The following OXR1 variants were observed in gnomAD, a reference collection of about 807,000 sequenced individuals.
The protein encoded by OXR1 is oxidation resistance protein 1.
In OXR1, 41 loss-of-function variants were observed where a neutral mutation model predicts 104.6. That is an observed-to-expected ratio of 0.39 (90% CI 0.31 to 0.51). OXR1 has a LOEUF of 0.51. OXR1 is among the 20% of genes least tolerant of loss of function. OXR1 has a pLI of 0.77. For missense variants in OXR1, 955 were observed against 1,031.9 expected (o/e 0.93, Z 1.02); for synonymous variants, 348 against 348.4 (o/e 1.00, Z 0.01).
chr8:106,697,704 A>T (rs963496611), intron 7 of OXR1: 10 of 1,613,932 alleles, frequency 6.2e-6, no homozygotes, highest in Admixed American at 3.3e-5. Flanking sequence ...TGTTAATGCC[A>T]TAGCGCTCAG....
intron 1 of OXR1, among the ~76,000 whole-genome samples, chr8:106,275,788 A>AAC (rs374957851): frequency 0.038 from 5,680 of 151,322 alleles, 225 homozygotes; most frequent in African/African-American, 0.1. Context: ...AGCAACAACA[A>AAC]ACACACACAC....
At chr8:106,685,432 C>A (rs761446717) in intron 6 of OXR1, among the ~76,000 whole-genome samples, 47 of 152,130 alleles carry the variant, frequency 3.1e-4, no homozygotes, top group Non-Finnish European at 6.5e-4. Context: ...TAACCTAAAT[C>A]TGCCTGTCTA....
intron 1 of OXR1, among the ~76,000 whole-genome samples, chr8:106,345,724 A>G (rs1451416004): frequency 6.6e-6 from 1 of 152,244 alleles, no homozygotes; most frequent in Non-Finnish European, 1.5e-5. Context: ...GATCATGCAC[A>G]TGGCTCTCTC....
intron 2 of OXR1, among the ~76,000 whole-genome samples, chr8:106,511,628 G>A (rs1255188139): frequency 1.3e-5 from 2 of 152,148 alleles, no homozygotes; most frequent in Non-Finnish European, 1.5e-5. Flanking sequence ...GCTACTACTA[G>A]TATATAGATT....
chr8:106,573,554 A>G (rs1397968321), intron 3 of OXR1, among the ~76,000 whole-genome samples: 5 of 152,240 alleles, frequency 3.3e-5, no homozygotes, highest in African/African-American at 1.2e-4. Context: ...TTAATGAAAG[A>G]CATGATTTGA....
At chr8:106,293,443 G>T (rs1435032573) in intron 1 of OXR1, among the ~76,000 whole-genome samples, 1 of 152,144 alleles carries the variant, frequency 6.6e-6, no homozygotes. Flanking sequence ...TTGAAGAATT[G>T]CTGATTTTGT....
intron 3 of OXR1, among the ~76,000 whole-genome samples, chr8:106,619,518 T>A (rs1172612529): frequency 1.3e-5 from 2 of 152,208 alleles, no homozygotes; most frequent in African/African-American, 4.8e-5. Flanking sequence ...TTAATTTTAA[T>A]CACAAATTCT....
intron 3 of OXR1, among the ~76,000 whole-genome samples, chr8:106,666,148 T>C (rs1214430679): frequency 6.6e-6 from 1 of 152,218 alleles, no homozygotes; most frequent in African/African-American, 2.4e-5. Flanking sequence ...AAACAATTAA[T>C]CCAAATATGC....
chr8:106,347,370 C>G (rs1183475587), intron 1 of OXR1, among the ~76,000 whole-genome samples: 1 of 152,190 alleles, frequency 6.6e-6, no homozygotes, highest in Non-Finnish European at 1.5e-5. Flanking sequence ...TAGTGGTTAT[C>G]ACCGGAGAAG....
In OXR1 at chr8:106,274,607, C is replaced by CG. The variant is rs1242784492; in HGVS notation, c.-139+4240_-139+4241insG. Among the ~76,000 whole-genome samples the CG allele has an allele frequency of 3.0e-4, 41 of 137,792 alleles. 1 individual carries two copies. The highest frequency in any genetic ancestry group is 1.1e-3 in the African/African-American group (41 of 38,242). 90.4% of individuals were successfully genotyped at this position (137,792 alleles called of 152,430 possible). On this transcript the variant is annotated intron_variant, in intron 1 of 16. Coordinates refer to ENST00000517566, the MANE Select transcript of OXR1 (RefSeq NM_001198533.2). ...GGGGCACCCAGCAACGCCACCCCCC[C>CG]CCCGACCCCGCCCTTTCTCCTGTGC...
intron 11 of OXR1, among the ~76,000 whole-genome samples, chr8:106,726,694 G>A (rs1000736914): frequency 6.6e-6 from 1 of 152,058 alleles, no homozygotes; most frequent in Admixed American, 6.5e-5. Context: ...TCTCAAACCA[G>A]ATTCTTTTAT....
intron 11 of OXR1, among the ~76,000 whole-genome samples, chr8:106,720,254 T>C (rs1832713899): frequency 6.6e-6 from 1 of 152,200 alleles, no homozygotes; most frequent in Admixed American, 6.5e-5. Flanking sequence ...AAACATATCA[T>C]TGCCAAGGTC....
rs569691943 is a variant in OXR1 at position 106,414,324 on chromosome 8, A to G, written c.23+54688A>G. Among the ~76,000 whole-genome samples the G allele has an allele frequency of 5.1e-4, 78 of 152,070 alleles. 1 individual carries two copies. Among genetic ancestry groups the G allele is most frequent in the Non-Finnish European group, 2.2e-4 (15 of 68,008 alleles). On this transcript the variant is annotated intron_variant, in intron 2 of 16. Coordinates refer to ENST00000517566, the MANE Select transcript of OXR1 (RefSeq NM_001198533.2). ...AGTTGCCACAGTTAGAGTGGTGTCT[A>G]TCCTGTGTAATTCCGAGAGGGAAGG...
intron 2 of OXR1, among the ~76,000 whole-genome samples, chr8:106,437,174 C>T (rs7828149): frequency 0.23 from 34,220 of 151,708 alleles, 5,305 homozygotes; most frequent in African/African-American, 0.42. Flanking sequence ...CCTGTACTTC[C>T]GTTAAAAAAA....
chr8:106,271,095 G>A lies in OXR1; in HGVS notation c.-139+728G>A, dbSNP rs565080552. On this transcript the variant is annotated intron_variant, in intron 1 of 16. Transcript: ENST00000517566. ...AATCGCTGAGGGATTTGGGTGAAGA[G>A]GGGGGGAGCTGTGCAGTATCGGGCG... Among the ~76,000 whole-genome samples the A allele has an allele frequency of 3.2e-4, 49 of 152,146 alleles. No homozygotes were observed. The South Asian group carries it at 9.8e-3, about 30-fold the overall frequency.
At chr8:106,302,743 T>G (rs1586495327) in intron 1 of OXR1, among the ~76,000 whole-genome samples, 1 of 151,642 alleles carries the variant, frequency 6.6e-6, no homozygotes, top group African/African-American at 2.4e-5. Context: ...CCTGTTTGGG[T>G]TTTTTTGTTT....
chr8:106,380,076 C>T (rs1384291503), intron 2 of OXR1, among the ~76,000 whole-genome samples: 1 of 152,018 alleles, frequency 6.6e-6, no homozygotes, highest in East Asian at 1.9e-4. Flanking sequence ...ATACTGAACC[C>T]GTTAGCAGTC....
At chr8:106,720,582 C>A in intron 11 of OXR1, 1 of 247,760 alleles carries the variant, frequency 4.0e-6, no homozygotes, top group Non-Finnish European at 6.4e-6. Context: ...TTTGTTTAAT[C>A]ATTTTGTGCC....
chr8:106,701,635 C>T (rs1234188955), intron 7 of OXR1, among the ~76,000 whole-genome samples: 1 of 152,128 alleles, frequency 6.6e-6, no homozygotes, highest in African/African-American at 2.4e-5. Flanking sequence ...AGGAATGTTG[C>T]ACCCTTGGAG....
Sources: allele counts gnomAD v4.1 joint callset (sites outside exome capture counted in the v4.1 genomes callset), GRCh38; gene constraint gnomAD v4.1.1; transcripts MANE v1.5; gene names NCBI Gene and HGNC (gene_info 2026-07-23, HGNC 2026-07-21).